Variants in ERBB4 observed in about 807,000 individuals in gnomAD.
The protein encoded by ERBB4 is receptor tyrosine-protein kinase erbB-4.
ERBB4 carries 42 observed loss-of-function variants against 158.0 expected under a neutral mutation model. The observed-to-expected ratio is 0.27, with a 90% CI of 0.21 to 0.34. ERBB4 has a LOEUF of 0.34. ERBB4 is among the 10% of genes least tolerant of loss of function. The probability of loss-of-function intolerance (pLI) is 1.00; values close to 1 mark genes in which losing one functional copy is unlikely to be tolerated. For synonymous variants in ERBB4, 583 were observed against 558.7 expected, an observed-to-expected ratio of 1.04 and a Z score of -0.61; for missense variants, 1,333 against 1,624.1, an observed-to-expected ratio of 0.82 and a Z score of 3.08.
At chr2:212,281,982 GC>G (rs1157926568) in intron 1 of ERBB4, among the ~76,000 whole-genome samples, 1 of 151,806 alleles carries the variant, frequency 6.6e-6, no homozygotes, top group African/African-American at 2.4e-5. Context: ...TGCATTGTGT[GC>G]CAGAGTATAA....
chr2:211,739,144 G>C (rs2074706104), intron 5 of ERBB4, among the ~76,000 whole-genome samples: 1 of 151,784 alleles, frequency 6.6e-6, no homozygotes, highest in South Asian at 2.1e-4. Context: ...ATGCTCTTTA[G>C]ACTTTTAATG....
chr2:211,956,283 C>T (rs1286119451), intron 2 of ERBB4, among the ~76,000 whole-genome samples: 1 of 151,890 alleles, frequency 6.6e-6, no homozygotes, highest in Non-Finnish European at 1.5e-5. Context: ...GTTTGGAAAC[C>T]TTTGAATTAA....
At chr2:211,875,126 C>A (rs2078465972) in intron 3 of ERBB4, among the ~76,000 whole-genome samples, 1 of 144,438 alleles carries the variant, frequency 6.9e-6, no homozygotes. Flanking sequence ...GACATATCTG[C>A]ATTTCTTTGG....
chr2:211,588,445 T>C (rs1360395682), intron 19 of ERBB4, among the ~76,000 whole-genome samples: 1 of 152,126 alleles, frequency 6.6e-6, no homozygotes, highest in Non-Finnish European at 1.5e-5. Context: ...GACAATCTAA[T>C]AGGTAGCTAA....
At chr2:211,859,786 G>A (rs966054036) in intron 3 of ERBB4, among the ~76,000 whole-genome samples, 1 of 152,096 alleles carries the variant, frequency 6.6e-6, no homozygotes, top group African/African-American at 2.4e-5. Context: ...TAATTAGTAG[G>A]TTATATACCC....
At chr2:212,098,601 T>TG in intron 2 of ERBB4, among the ~76,000 whole-genome samples, 1 of 152,134 alleles carries the variant, frequency 6.6e-6, no homozygotes, top group East Asian at 1.9e-4. Flanking sequence ...GCTAGTCCCT[T>TG]GGGGCATGCT....
chr2:211,418,138 T>C (rs2063434535), intron 25 of ERBB4, among the ~76,000 whole-genome samples: 1 of 151,964 alleles, frequency 6.6e-6, no homozygotes, highest in African/African-American at 2.4e-5. Flanking sequence ...AAATATTTGA[T>C]CAAAATTCAC....
At chr2:212,298,648 A>G (rs989301778) in intron 1 of ERBB4, among the ~76,000 whole-genome samples, 14 of 151,604 alleles carry the variant, frequency 9.2e-5, no homozygotes, top group African/African-American at 3.4e-4. Context: ...AATCTTTCTC[A>G]TTATCCTCAC....
At chr2:212,046,355 G>A (rs2077261820) in intron 2 of ERBB4, among the ~76,000 whole-genome samples, 1 of 152,220 alleles carries the variant, frequency 6.6e-6, no homozygotes, top group South Asian at 2.1e-4. Flanking sequence ...ATAGTAAACA[G>A]TAGCACAGCT....
At chr2:212,473,310 C>T (rs1198367329) in intron 1 of ERBB4, among the ~76,000 whole-genome samples, 1 of 151,888 alleles carries the variant, frequency 6.6e-6, no homozygotes, top group Non-Finnish European at 1.5e-5. Context: ...CTACTGTTGT[C>T]TTTATCCTTT....
At chr2:212,243,647 C>T (rs2084199899) in intron 1 of ERBB4, among the ~76,000 whole-genome samples, 1 of 152,006 alleles carries the variant, frequency 6.6e-6, no homozygotes, top group Non-Finnish European at 1.5e-5. Flanking sequence ...TATTTTCAGG[C>T]AATCTAGATT....
Position 211,673,211 on chromosome 2 carries a change from G to T in ERBB4, c.1669C>A (p.Pro557Thr). The change falls in exon 14 of 28, where the codon CCC becomes ACC. Residue 557 changes from proline (P) to threonine (T), a missense_variant. Physicochemically the swap from Pro to Thr is conservative, Grantham distance 38. Coordinates refer to ENST00000342788, the MANE Select transcript of ERBB4 (RefSeq NM_005235.3). Reference protein sequence around the residue: ...ENGSICVECDPQCEKMEDGLL... With the variant: ...ENGSICVECDTQCEKMEDGLL... ...CCATCTTCCATCTTCTCACACTGGGGGTCACACTCCACACAGATGGAGCCA... is the reference window on the plus strand; with the variant it reads ...CCATCTTCCATCTTCTCACACTGGGTGTCACACTCCACACAGATGGAGCCA... 6.2e-7 allele frequency: 1 copy of T among 1,613,652 alleles called. No homozygotes were observed. The highest frequency in any genetic ancestry group is 8.5e-7 in the Non-Finnish European group (1 of 1,179,766).
At chr2:211,756,338 C>T (rs1372863734) in intron 4 of ERBB4, among the ~76,000 whole-genome samples, 2 of 152,154 alleles carry the variant, frequency 1.3e-5, no homozygotes, top group Non-Finnish European at 2.9e-5. Flanking sequence ...AGGAGAATTT[C>T]AGGCTGAATA....
intron 1 of ERBB4, among the ~76,000 whole-genome samples, chr2:212,190,573 C>A (rs180800222): frequency 6.6e-6 from 1 of 150,658 alleles, no homozygotes; most frequent in Non-Finnish European, 1.5e-5. Context: ...AAGAACTGGG[C>A]GCCTTTGATA....
Position 212,450,821 on chromosome 2 carries a change from G to GAAAAAAA in ERBB4, c.82+87621_82+87627dup, listed in dbSNP as rs57931477. Among the ~76,000 whole-genome samples, 382 of 92,820 alleles carry GAAAAAAA rather than the reference G, an allele frequency of 4.1e-3. 4 individuals carry two copies. The highest frequency in any genetic ancestry group is 0.014 in the African/African-American group (358 of 26,396). The allele number at this position is 92,820 out of a possible 152,430, so 60.9% of individuals were successfully genotyped here. Reference sequence around the variant, plus strand: ...TTTAATGCAGGAAGATTTCAGCCGAGAAAAAAAAAAAAAAAAAAACAAGGC... The same window carrying GAAAAAAA: ...TTTAATGCAGGAAGATTTCAGCCGAGAAAAAAAAAAAAAAAAAAAAAAAAAACAAGGC... On this transcript the variant is annotated intron_variant, in intron 1 of 27. Transcript: ENST00000342788.
intron 3 of ERBB4, among the ~76,000 whole-genome samples, chr2:211,930,089 T>C (rs967354784): frequency 1.3e-5 from 2 of 152,150 alleles, no homozygotes; most frequent in African/African-American, 4.8e-5. Flanking sequence ...GATTTTCTAT[T>C]TTTTTAACAT....
chr2:211,655,339 T>A (rs555157938), intron 16 of ERBB4, among the ~76,000 whole-genome samples: 1 of 152,172 alleles, frequency 6.6e-6, no homozygotes, highest in Admixed American at 6.5e-5. Flanking sequence ...GAATTTTTGA[T>A]GTACAGAAAG....
rs368328351 is a variant in ERBB4, at chr2:211,428,389, G to T, written c.2719+19C>A. On this transcript the variant is annotated intron_variant, in intron 22 of 27. Transcript: ENST00000342788. ...ATTTTTGCTTTACAAGCTTTAATTC[G>T]CAAAGAAGATTTATTTACCATAGCT... The T allele has an allele frequency of 6.9e-7, 1 of 1,443,214 alleles. No individual in the cohort carries two copies. Among genetic ancestry groups the T allele is most frequent in the Non-Finnish European group, 9.7e-7 (1 of 1,026,162 alleles). The allele number at this position is 1,443,214 out of a possible 1,614,324, so 89.4% of individuals were successfully genotyped here.
At chr2:211,667,777 T>G (rs2071685423) in intron 14 of ERBB4, among the ~76,000 whole-genome samples, 1 of 152,192 alleles carries the variant, frequency 6.6e-6, no homozygotes, top group Non-Finnish European at 1.5e-5. Context: ...TTTCTTATAA[T>G]GTAAAATCAT....
Sources: allele counts gnomAD v4.1 joint callset (sites outside exome capture counted in the v4.1 genomes callset), GRCh38; gene constraint gnomAD v4.1.1; transcripts MANE v1.5; gene names NCBI Gene and HGNC (gene_info 2026-07-23, HGNC 2026-07-21).